C12orf56: variants seen among roughly 807,000 people sequenced by gnomAD.
The protein encoded by C12orf56 is uncharacterized protein C12orf56.
In C12orf56, 71 loss-of-function variants were observed where a neutral mutation model predicts 69.9. The ratio of observed to expected loss-of-function variants is 1.02; its 90% CI spans 0.84 to 1.24. The LOEUF is 1.24. Among genes scored for constraint, C12orf56 ranks in the 50% most tolerant of loss-of-function variants. The pLI is 0.00. For missense variants in C12orf56, 732 were observed against 738.5 expected (o/e 0.99, Z 0.10); for synonymous variants, 276 against 274.1 (o/e 1.01, Z -0.07).
At chr12:64,372,344 T>C (rs1297486330) in intron 1 of C12orf56, among the ~76,000 whole-genome samples, 1 of 152,184 alleles carries the variant, frequency 6.6e-6, no homozygotes, top group Non-Finnish European at 1.5e-5. Flanking sequence ...ATAAACTGAT[T>C]TGTAGTTTAG....
At chr12:64,350,804 T>C (rs1013467323) in intron 2 of C12orf56, among the ~76,000 whole-genome samples, 1 of 152,224 alleles carries the variant, frequency 6.6e-6, no homozygotes, top group African/African-American at 2.4e-5. Context: ...AAAATAATTA[T>C]CTTTGCTGCA....
chr12:64,280,332 CTTTATTG>C (rs140273534), intron 8 of C12orf56, among the ~76,000 whole-genome samples: 3,485 of 152,164 alleles, frequency 0.023, 53 homozygotes, highest in Non-Finnish European at 0.035. Context: ...CAGTTTAATA[CTTTATTG>C]TTTAGGTTGT....
intron 3 of C12orf56, among the ~76,000 whole-genome samples, chr12:64,323,630 T>A (rs1423538844): frequency 4.1e-5 from 6 of 146,594 alleles, no homozygotes. Flanking sequence ...GTGGTGTGAG[T>A]AGCTTGGACT....
At chr12:64,313,564 T>C (rs1476125414) in intron 4 of C12orf56, among the ~76,000 whole-genome samples, 1 of 151,354 alleles carries the variant, frequency 6.6e-6, no homozygotes, top group African/African-American at 2.4e-5. Context: ...TTTAAAAGTA[T>C]CTATCGTCTG....
At chr12:64,279,371 A>G (rs539522364) in intron 8 of C12orf56, among the ~76,000 whole-genome samples, 1 of 152,336 alleles carries the variant, frequency 6.6e-6, no homozygotes, top group East Asian at 1.9e-4. Flanking sequence ...ATTGGGTAGT[A>G]TAACCCCTGT....
chr12:64,371,220 G>A (rs1390580835), intron 1 of C12orf56, among the ~76,000 whole-genome samples: 2 of 151,582 alleles, frequency 1.3e-5, no homozygotes, highest in African/African-American at 2.4e-5. Flanking sequence ...TGGCTAACAC[G>A]GCAAAACTGT....
At chr12:64,365,672 TATATA>T (rs2039458215) in intron 1 of C12orf56, among the ~76,000 whole-genome samples, 1 of 146,294 alleles carries the variant, frequency 6.8e-6, no homozygotes, top group Non-Finnish European at 1.5e-5. Context: ...GGCTCAGGTA[TATATA>T]ATATAATATA....
intron 7 of C12orf56, among the ~76,000 whole-genome samples, 190 bp downstream of exon 7, chr12:64,285,764 G>A (rs7971787): frequency 0.22 from 33,820 of 151,724 alleles, 4,085 homozygotes; most frequent in East Asian, 0.5. Flanking sequence ...CTCCAGCCTG[G>A]GCAACAGAGC....
At chr12:64,308,896 G>GAA (rs1243468988) in intron 5 of C12orf56, among the ~76,000 whole-genome samples, 1 of 54,678 alleles carries the variant, frequency 1.8e-5, no homozygotes, top group Non-Finnish European at 3.5e-5. Flanking sequence ...AAGGAAGAAA[G>GAA]AAAGAAAGAA....
rs2136741246 is a variant in C12orf56, at chr12:64,270,649, T to C, written c.1650A>G (p.Leu550=). ...VRGLSASFQL[L]SPCQAVLLYQ... is the part of the protein sequence containing the mutation. ...ACAACAGAACTGCTTGGCAGGGACT[T>C]AGCAGCTGAAATGAAGCTGAAAGAC... is the stretch of plus-strand genomic sequence containing the variant. The change falls in exon 12 of 13, where the codon CTA becomes CTG. Residue 550 remains leucine, a synonymous_variant. Coordinates refer to ENST00000543942, the MANE Select transcript of C12orf56 (RefSeq NM_001170633.2). The C allele has an allele frequency of 1.9e-6, 3 of 1,613,778 alleles. No homozygotes were observed. The highest frequency in any genetic ancestry group is 2.5e-6 in the Non-Finnish European group (3 of 1,179,810).
intron 12 of C12orf56, among the ~76,000 whole-genome samples, chr12:64,269,804 G>A (rs1462873346): frequency 1.3e-5 from 2 of 151,734 alleles, no homozygotes; most frequent in African/African-American, 2.4e-5. Context: ...GCTCAGCCTG[G>A]TCTCAAACTC....
At chr12:64,287,253 A>AG in intron 6 of C12orf56, among the ~76,000 whole-genome samples, 2 of 143,434 alleles carry the variant, frequency 1.4e-5, no homozygotes, top group African/African-American at 5.1e-5. Context: ...CAAAAAAAAA[A>AG]AAAAAAAAAA....
At chr12:64,284,306 A>T (rs1165475376) in intron 8 of C12orf56, among the ~76,000 whole-genome samples, 1 of 152,114 alleles carries the variant, frequency 6.6e-6, no homozygotes, top group Non-Finnish European at 1.5e-5. Context: ...ATAACACCTG[A>T]TTTTGCAGTT....
chr12:64,338,440 C>T (rs1361690728), intron 2 of C12orf56: 17 of 805,900 alleles, frequency 2.1e-5, no homozygotes, highest in African/African-American at 5.1e-5. Flanking sequence ...TTTCCTTTTG[C>T]ACCGCAGACT....
chr12:64,359,892 T>C (rs928212402), intron 1 of C12orf56, among the ~76,000 whole-genome samples: 2 of 151,978 alleles, frequency 1.3e-5, no homozygotes, highest in African/African-American at 4.8e-5. Context: ...TTTTTGTAGT[T>C]TTAGTAAAGA....
At chr12:64,314,387 C>T (rs1210622740) in intron 4 of C12orf56, among the ~76,000 whole-genome samples, 1 of 152,208 alleles carries the variant, frequency 6.6e-6, no homozygotes, top group African/African-American at 2.4e-5. Flanking sequence ...GCCACTGCAT[C>T]CAACCAATAT....
chr12:64,348,014 C>T (rs1413380081), intron 2 of C12orf56, among the ~76,000 whole-genome samples: 1 of 152,162 alleles, frequency 6.6e-6, no homozygotes, highest in Non-Finnish European at 1.5e-5. Flanking sequence ...CATGGTGGCT[C>T]ATGCCTGTAA....
chr12:64,365,914 GTATATAT>G (rs1183734101), intron 1 of C12orf56, among the ~76,000 whole-genome samples: 8 of 131,624 alleles, frequency 6.1e-5, no homozygotes, highest in Non-Finnish European at 1.1e-4. Context: ...TATGTATAGT[GTATATAT>G]TATATATTAT....
intron 6 of C12orf56, among the ~76,000 whole-genome samples, chr12:64,287,444 C>T (rs2038223796): frequency 7.7e-6 from 1 of 129,888 alleles, no homozygotes; most frequent in Non-Finnish European, 1.6e-5. Flanking sequence ...GTGCGCTGCA[C>T]CCACTAACTC....
Sources: gnomAD v4.1 joint callset for allele counts (sites outside exome capture counted in the v4.1 genomes callset) on GRCh38, gnomAD v4.1.1 for gene constraint, MANE v1.5 for transcripts, NCBI Gene and HGNC (gene_info 2026-07-23, HGNC 2026-07-21) for gene names.